LRBA: variants seen among roughly 807,000 people sequenced by gnomAD.
LRBA encodes LPS responsive beige-like anchor protein.
A neutral mutation model predicts 330.0 loss-of-function variants in LRBA; 176 were observed. The observed-to-expected ratio is 0.53, with a 90% confidence interval of 0.47 to 0.60. The LOEUF (loss-of-function observed/expected upper bound fraction) is 0.60, where lower values mean the gene tolerates loss of function less well. LRBA is among the 20% of genes least tolerant of loss of function. The pLI, the probability that LRBA is intolerant of heterozygous loss-of-function variation, is 0.00. For missense variants in LRBA, 3,259 were observed against 3,444.8 expected (o/e 0.95, Z 1.35); for synonymous variants, 1,230 against 1,193.0 (o/e 1.03, Z -0.64).
At chr4:150,318,752 G>A (rs1004497138) in intron 50 of LRBA, among the ~76,000 whole-genome samples, 1 of 152,106 alleles carries the variant, frequency 6.6e-6, no homozygotes, top group Non-Finnish European at 1.5e-5. Flanking sequence ...GTGTCATACT[G>A]TAAAGGCAGT....
Position 150,265,145 on chromosome 4 carries a change from C to A in LRBA, c.*577G>T, listed in dbSNP as rs1745144163. 1.3e-5 allele frequency: 2 copies of A among 153,142 alleles called. No individual in the cohort carries two copies. The allele number at this position is 153,142 out of a possible 1,614,324, so 9.5% of individuals were successfully genotyped here. ...AACCACACAATAAAATAGCCTCCCC[C>A]AAACCATACTTTTCTAGGTCTAAAA... On this transcript the variant is annotated 3_prime_UTR_variant, in exon 57 of 57. Transcript: ENST00000651943.
Position 150,325,808 on chromosome 4 carries a change from C to G in LRBA, c.7452+1G>C. The G allele has an allele frequency of 6.2e-7, 1 of 1,606,378 alleles. No homozygotes were observed. Among genetic ancestry groups the G allele is most frequent in the Non-Finnish European group, 8.5e-7 (1 of 1,173,222 alleles). On this transcript the variant is annotated splice_donor_variant, in intron 49 of 56. Transcript: ENST00000651943. LOFTEE classifies it high-confidence loss of function. ...ATGAGGAGAGTAAAAATAGCACTTA[C>G]CACTTGCATGGCAGAACCTCTGGGA... is the stretch of plus-strand genomic sequence containing the variant.
chr4:150,817,192 G>T lies in LRBA; in HGVS notation c.5237C>A (p.Thr1746Asn). 1 of 1,611,342 alleles carries T rather than the reference G, an allele frequency of 6.2e-7. No individual in the cohort carries two copies. The highest frequency in any genetic ancestry group is 8.5e-7 in the Non-Finnish European group (1 of 1,177,844). The change falls in exon 31 of 57, where the codon ACC becomes AAC. Residue 1746 changes from threonine to asparagine, a missense_variant. Transcript: ENST00000651943. Reference protein sequence around the residue: ...SPSTFNTSIPTNAVSVVSSVD... With the variant: ...SPSTFNTSIPNNAVSVVSSVD... ...TGAGGAAACCACACTGACAGCATTG[G>T]TAGGTATGCTTGTATTAAAGGTGGA...
chr4:150,777,789 C>T (rs1355110572), intron 34 of LRBA, among the ~76,000 whole-genome samples: 1 of 151,770 alleles, frequency 6.6e-6, no homozygotes, highest in Non-Finnish European at 1.5e-5. Flanking sequence ...ACCATCCTGG[C>T]CAACATGGTG....
chr4:150,719,638 A>C (rs1418563865), intron 36 of LRBA, among the ~76,000 whole-genome samples: 2 of 152,144 alleles, frequency 1.3e-5, no homozygotes, highest in African/African-American at 2.4e-5. Flanking sequence ...CTTAGTTCTT[A>C]ATCATGTCCC....
At chr4:150,685,416 ATAT>A (rs1325415533) in intron 36 of LRBA, among the ~76,000 whole-genome samples, 17 of 20,128 alleles carry the variant, frequency 8.4e-4, no homozygotes, top group African/African-American at 3.3e-3. Flanking sequence ...ATATATATAT[ATAT>A]ATTTTTTTTT....
intron 37 of LRBA, among the ~76,000 whole-genome samples, chr4:150,600,843 G>C (rs1004540307): frequency 1.3e-5 from 2 of 152,172 alleles, no homozygotes; most frequent in African/African-American, 2.4e-5. Flanking sequence ...GCAGTACACA[G>C]ATGGCTGTGT....
intron 40 of LRBA, among the ~76,000 whole-genome samples, chr4:150,534,607 T>C (rs1480817179): frequency 6.6e-6 from 1 of 151,982 alleles, no homozygotes; most frequent in Non-Finnish European, 1.5e-5. Flanking sequence ...AGCCTAAACG[T>C]TTTTAGATAC....
chr4:150,648,043 G>A (rs1779326060), intron 37 of LRBA, among the ~76,000 whole-genome samples: 1 of 150,466 alleles, frequency 6.6e-6, no homozygotes, highest in South Asian at 2.1e-4. Context: ...TAGGACATAA[G>A]GCAAATGTAG....
At chr4:150,440,586 G>A (rs1751688930) in intron 44 of LRBA, among the ~76,000 whole-genome samples, 1 of 152,024 alleles carries the variant, frequency 6.6e-6, no homozygotes, top group Admixed American at 6.6e-5. Flanking sequence ...GACCAGCCTG[G>A]ACAACATGAT....
intron 34 of LRBA, among the ~76,000 whole-genome samples, chr4:150,777,723 T>A (rs1171610944): frequency 6.6e-6 from 1 of 152,040 alleles, no homozygotes; most frequent in Non-Finnish European, 1.5e-5. Flanking sequence ...CTCCCATCTG[T>A]AATCCCAGCA....
At chr4:150,587,958 C>G (rs1772323869) in intron 40 of LRBA, 90 bp downstream of exon 40, 2 of 1,397,270 alleles carry the variant, frequency 1.4e-6, no homozygotes, top group Admixed American at 4.7e-5. Flanking sequence ...GAAATTCAAA[C>G]TAAGCCTGTC....
intron 36 of LRBA, among the ~76,000 whole-genome samples, chr4:150,696,444 G>C (rs1784623407): frequency 6.6e-6 from 1 of 152,124 alleles, no homozygotes; most frequent in Non-Finnish European, 1.5e-5. Flanking sequence ...ATATAAAAGA[G>C]GAGATGATGT....
intron 22 of LRBA, among the ~76,000 whole-genome samples, chr4:150,857,975 AAAT>A (rs1325151644): frequency 6.6e-6 from 1 of 152,212 alleles, no homozygotes; most frequent in Non-Finnish European, 1.5e-5. Context: ...TTTTGTTAGC[AAAT>A]AATTATATGT....
At chr4:150,961,107 A>G (rs1197190261) in intron 2 of LRBA, among the ~76,000 whole-genome samples, 1 of 148,880 alleles carries the variant, frequency 6.7e-6, no homozygotes, top group Non-Finnish European at 1.5e-5. Context: ...ACACCCCTCT[A>G]TCCTCACCCC....
chr4:150,345,988 T>G (rs1736242829), intron 48 of LRBA, among the ~76,000 whole-genome samples: 1 of 152,036 alleles, frequency 6.6e-6, no homozygotes, highest in African/African-American at 2.4e-5. Context: ...TTAAATTTGT[T>G]GTGGAGATGG....
intron 40 of LRBA, among the ~76,000 whole-genome samples, chr4:150,585,105 A>C (rs1771930749): frequency 6.6e-6 from 1 of 152,156 alleles, no homozygotes; most frequent in African/African-American, 2.4e-5. Context: ...ATATTTATGG[A>C]TTTTTCTGAA....
chr4:150,862,954 G>A (rs1048352578), intron 22 of LRBA, among the ~76,000 whole-genome samples: 1 of 151,962 alleles, frequency 6.6e-6, no homozygotes, highest in Non-Finnish European at 1.5e-5. Flanking sequence ...ATTCCAGCCA[G>A]GGTGACAGAG....
intron 35 of LRBA, among the ~76,000 whole-genome samples, chr4:150,753,085 C>A (rs1733773404): frequency 6.6e-6 from 1 of 152,142 alleles, no homozygotes; most frequent in South Asian, 2.1e-4. Flanking sequence ...ATTTCCTTGG[C>A]GATTCATAGA....
Sources: allele counts gnomAD v4.1 joint callset (sites outside exome capture counted in the v4.1 genomes callset), GRCh38; gene constraint gnomAD v4.1.1; transcripts MANE v1.5; gene names NCBI Gene and HGNC (gene_info 2026-07-23, HGNC 2026-07-21).